NT5M: variants seen among roughly 807,000 people sequenced by gnomAD.
The protein encoded by NT5M is 5'(3')-deoxyribonucleotidase, mitochondrial.
Under a neutral mutation model 22.2 loss-of-function variants are expected in NT5M, and 22 were observed. The ratio of observed to expected loss-of-function variants is 0.99; its 90% confidence interval spans 0.71 to 1.41. The LOEUF is 1.41. Among genes scored for constraint, NT5M ranks in the 40% most tolerant of loss-of-function variants. The probability of loss-of-function intolerance (pLI) is 0.00; values close to 1 mark genes in which losing one functional copy is unlikely to be tolerated. For missense variants in NT5M, 322 were observed against 314.8 expected (o/e 1.02, Z -0.17); for synonymous variants, 167 against 133.0 (o/e 1.26, Z -1.76).
At chr17:17,344,368 T>A (rs912256048) in intron 3 of NT5M, among the ~76,000 whole-genome samples, 2 of 152,140 alleles carry the variant, frequency 1.3e-5, no homozygotes, top group Admixed American at 1.3e-4. Context: ...GAACTGCTTT[T>A]TGTCTTGGTT....
chr17:17,340,105 G>T (rs1014819503), intron 3 of NT5M, among the ~76,000 whole-genome samples: 1 of 152,072 alleles, frequency 6.6e-6, no homozygotes, highest in African/African-American at 2.4e-5. Context: ...GAAGCTATTG[G>T]GTCCCGGCCT....
intron 2 of NT5M, among the ~76,000 whole-genome samples, chr17:17,322,808 A>G (rs73302372): frequency 0.047 from 7,177 of 152,218 alleles, 597 homozygotes; most frequent in African/African-American, 0.16. Context: ...TGTTTCAGGG[A>G]CTCGATCACT....
At chr17:17,316,651 C>T (rs1392177991) in intron 2 of NT5M, among the ~76,000 whole-genome samples, 1 of 152,074 alleles carries the variant, frequency 6.6e-6, no homozygotes, top group Non-Finnish European at 1.5e-5. Context: ...GCTGGGATTA[C>T]AGAAGTGAGC....
chr17:17,330,373 C>T (rs914407968), intron 3 of NT5M, among the ~76,000 whole-genome samples: 24 of 143,848 alleles, frequency 1.7e-4, no homozygotes, highest in Non-Finnish European at 1.1e-4. Context: ...AACGTAAAAA[C>T]GTAGACTTTT....
chr17:17,339,761 G>C (rs1042009052), intron 3 of NT5M, among the ~76,000 whole-genome samples: 2 of 152,062 alleles, frequency 1.3e-5, no homozygotes, highest in African/African-American at 4.8e-5. Context: ...TCATTCTGTT[G>C]ATATGATATA....
At chr17:17,306,293 G>A (rs920710124) in intron 1 of NT5M, among the ~76,000 whole-genome samples, 7 of 152,206 alleles carry the variant, frequency 4.6e-5, no homozygotes, top group African/African-American at 1.4e-4. Flanking sequence ...TCCAGCAGGT[G>A]TAGGAGTCCA....
At chr17:17,306,691 T>A in intron 2 of NT5M, 48 bp downstream of exon 2, 1 of 1,284,776 alleles carries the variant, frequency 7.8e-7, no homozygotes, top group South Asian at 1.2e-5. Context: ...GAGCAGCCAC[T>A]GAGCCCTGTA....
rs199941205 is a variant in NT5M at position 17,306,548 on chromosome 17, G to C, written c.273G>C (p.Lys91Asn). ...TGCTTTTCTCAACTTCTCAGGAGAAGGCCATCAGCATTTGGGAGTCAAAGA... is the reference window on the plus strand; with the variant it reads ...TGCTTTTCTCAACTTCTCAGGAGAACGCCATCAGCATTTGGGAGTCAAAGA... The part of the protein sequence containing the change: ...YGRLRPGLSE[K>N]AISIWESKNF... The change falls in exon 2 of 5, where the codon AAG becomes AAC. Residue 91 changes from lysine (K) to asparagine (N), a missense_variant. Transcript: ENST00000389022. 6 of 1,613,362 alleles carry C rather than the reference G, an allele frequency of 3.7e-6. No individual in the cohort carries two copies. The East Asian group carries it at 1.3e-4, about 36-fold the overall frequency.
At chr17:17,329,629 C>G (rs1327028045) in intron 3 of NT5M, among the ~76,000 whole-genome samples, 7 of 152,092 alleles carry the variant, frequency 4.6e-5, no homozygotes, top group Non-Finnish European at 8.8e-5. Flanking sequence ...AGTCTGGTTT[C>G]CAGATGACAT....
intron 2 of NT5M, among the ~76,000 whole-genome samples, chr17:17,320,109 T>G (rs2049119655): frequency 6.6e-6 from 1 of 152,264 alleles, no homozygotes; most frequent in Non-Finnish European, 1.5e-5. Flanking sequence ...CTGAAAGTGC[T>G]GGGATTACAG....
chr17:17,323,568 G>A (rs1033000538), intron 3 of NT5M, among the ~76,000 whole-genome samples: 1 of 152,176 alleles, frequency 6.6e-6, no homozygotes, highest in African/African-American at 2.4e-5. Context: ...AAGGTGAGGT[G>A]GGTAAAGTTC....
chr17:17,337,279 T>C (rs1597795723), intron 3 of NT5M, among the ~76,000 whole-genome samples: 1 of 152,332 alleles, frequency 6.6e-6, no homozygotes, highest in Admixed American at 6.5e-5. Context: ...TCTCGCTCTG[T>C]AGCTCAGGCT....
chr17:17,335,639 AT>A (rs1012275614), intron 3 of NT5M, among the ~76,000 whole-genome samples: 13 of 148,470 alleles, frequency 8.8e-5, no homozygotes, highest in South Asian at 2.1e-4. Flanking sequence ...AAAATGAACA[AT>A]TTTTTTTTTT....
At chr17:17,325,424 T>C (rs1397943219) in intron 3 of NT5M, among the ~76,000 whole-genome samples, 15 of 152,100 alleles carry the variant, frequency 9.9e-5, no homozygotes, top group Admixed American at 9.2e-4. Context: ...GCCGTGCTGA[T>C]GTCTTCCTCT....
intron 2 of NT5M, among the ~76,000 whole-genome samples, chr17:17,309,839 T>C (rs1002698101): frequency 1.3e-5 from 2 of 151,622 alleles, no homozygotes; most frequent in Non-Finnish European, 2.9e-5. Context: ...TTGTTTTTTT[T>C]TTTGAGACGG....
chr17:17,341,856 C>G (rs1248099766), intron 3 of NT5M, among the ~76,000 whole-genome samples: 11 of 152,090 alleles, frequency 7.2e-5, no homozygotes, highest in Non-Finnish European at 4.4e-5. Context: ...TGGTGAAACC[C>G]CGTTTCTACT....
At chr17:17,314,781 C>G (rs928691255) in intron 2 of NT5M, among the ~76,000 whole-genome samples, 3 of 152,204 alleles carry the variant, frequency 2.0e-5, no homozygotes, top group African/African-American at 7.2e-5. Context: ...TTGCATCTTC[C>G]TGGAATGTTT....
At chr17:17,320,943 C>T (rs548002015) in intron 2 of NT5M, among the ~76,000 whole-genome samples, 4 of 152,098 alleles carry the variant, frequency 2.6e-5, no homozygotes, top group Non-Finnish European at 5.9e-5. Flanking sequence ...GGAGCAATTT[C>T]TGTGGAGTGA....
intron 2 of NT5M, 93 bp from the exon 3 acceptor site, chr17:17,323,092 G>T (rs1312722021): frequency 4.2e-6 from 4 of 963,422 alleles, no homozygotes; most frequent in Non-Finnish European, 6.8e-6. Flanking sequence ...AGACTCAGAG[G>T]GTCCAGCCCT....
Sources: gnomAD v4.1 joint callset for allele counts (sites outside exome capture counted in the v4.1 genomes callset) on GRCh38, gnomAD v4.1.1 for gene constraint, MANE v1.5 for transcripts, NCBI Gene and HGNC (gene_info 2026-07-23, HGNC 2026-07-21) for gene names.